Variants in KHDRBS2 observed in about 807,000 individuals in gnomAD.
KHDRBS2 encodes the protein KH domain-containing, RNA-binding, signal transduction-associated protein 2.
KHDRBS2 carries 26 observed loss-of-function variants against 44.3 expected under a neutral mutation model. The ratio of observed to expected loss-of-function variants is 0.59; its 90% CI spans 0.43 to 0.81. The LOEUF is 0.81. Ranked by LOEUF, KHDRBS2 falls within the 40% of genes least tolerant of loss-of-function variation. The pLI, the probability that KHDRBS2 is intolerant of heterozygous loss-of-function variation, is 0.00. For synonymous variants in KHDRBS2, 194 were observed against 151.1 expected, an observed-to-expected ratio of 1.28 and a Z score of -2.08; for missense variants, 476 against 433.1, an observed-to-expected ratio of 1.10 and a Z score of -0.88.
At chr6:61,675,904 G>A (rs540608196), downstream of KHDRBS2, among the ~76,000 whole-genome samples, 6 of 151,828 alleles carry the variant, frequency 4.0e-5, no homozygotes, top group East Asian at 1.2e-3. Flanking sequence ...CACGCATACA[G>A]ATAACTTTAA....
intron 2 of KHDRBS2, among the ~76,000 whole-genome samples, chr6:62,096,845 C>G (rs1221545553): frequency 6.6e-6 from 1 of 151,664 alleles, no homozygotes; most frequent in Non-Finnish European, 1.5e-5. Flanking sequence ...ATAGGCATTA[C>G]AACAAAAGTA....
intron 4 of KHDRBS2, among the ~76,000 whole-genome samples, chr6:61,955,723 C>G (rs1366378712): frequency 9.1e-6 from 1 of 109,830 alleles, no homozygotes; most frequent in Non-Finnish European, 2.0e-5. Flanking sequence ...TGTATGTATA[C>G]ATATATAGAC....
intron 3 of KHDRBS2, among the ~76,000 whole-genome samples, chr6:61,987,779 A>G (rs1775335278): frequency 6.6e-6 from 1 of 152,330 alleles, no homozygotes; most frequent in African/African-American, 2.4e-5. Context: ...ATGATAGAGA[A>G]GCAATAGCTA....
chr6:62,083,156 C>T (rs1797731644), intron 2 of KHDRBS2, among the ~76,000 whole-genome samples: 1 of 146,004 alleles, frequency 6.8e-6, no homozygotes, highest in South Asian at 2.2e-4. Flanking sequence ...GCCATAAAAA[C>T]CCCAGGCTTC....
At chr6:61,610,081 C>G in the KHDRBS2 span, among the ~76,000 whole-genome samples, 2 of 151,920 alleles carry the variant, frequency 1.3e-5, no homozygotes, top group Non-Finnish European at 2.9e-5. Context: ...GAGGCTGAGG[C>G]AGGAGAATGG....
chr6:61,560,729 G>A, the KHDRBS2 span, among the ~76,000 whole-genome samples: 7 of 152,102 alleles, frequency 4.6e-5, no homozygotes, highest in African/African-American at 7.2e-5. Context: ...ATGGTATCTC[G>A]AATTTCATTA....
chr6:61,650,089 C>T, the KHDRBS2 span, among the ~76,000 whole-genome samples: 1 of 152,138 alleles, frequency 6.6e-6, no homozygotes, highest in African/African-American at 2.4e-5. Context: ...ATAGCAGGGC[C>T]TCTGCACTGC....
At chr6:61,860,450 T>G (rs1233299476) in intron 6 of KHDRBS2, among the ~76,000 whole-genome samples, 1 of 152,060 alleles carries the variant, frequency 6.6e-6, no homozygotes, top group African/African-American at 2.4e-5. Context: ...TAGCTCCCAC[T>G]TATAAGTGAG....
At chr6:61,872,616 G>A (rs1296389999) in intron 6 of KHDRBS2, among the ~76,000 whole-genome samples, 1 of 152,036 alleles carries the variant, frequency 6.6e-6, no homozygotes, top group Non-Finnish European at 1.5e-5. Context: ...GAAGAGCTAA[G>A]TAAATAGAGA....
In KHDRBS2 at chr6:62,256,368, G is replaced by A. The variant is rs116253316; in HGVS notation, c.91+29490C>T. Among the ~76,000 whole-genome samples, 709 of 152,026 alleles carry A rather than the reference G, an allele frequency of 4.7e-3. 7 individuals carry two copies. Among genetic ancestry groups the A allele is most frequent in the African/African-American group, 0.016 (669 of 41,512 alleles). On this transcript the variant is annotated intron_variant, in intron 1 of 8. Coordinates refer to ENST00000281156, the MANE Select transcript of KHDRBS2 (RefSeq NM_152688.4). ...GAATTGTAGCTCTCACAATTCCCAC[G>A]TGTTGTTGTGGGAGGGACCCAGTAG...
At chr6:61,957,317 ACAG>A (rs1767598148) in intron 4 of KHDRBS2, among the ~76,000 whole-genome samples, 3 of 152,230 alleles carry the variant, frequency 2.0e-5, no homozygotes, top group Non-Finnish European at 4.4e-5. Flanking sequence ...GAACAGGATA[ACAG>A]CAATGTTCAG....
intron 6 of KHDRBS2, among the ~76,000 whole-genome samples, chr6:61,876,389 T>G (rs988481499): frequency 2.0e-5 from 3 of 152,026 alleles, no homozygotes; most frequent in Admixed American, 2.0e-4. Context: ...CTTACAATAC[T>G]AGATTATTAC....
intron 2 of KHDRBS2, among the ~76,000 whole-genome samples, chr6:62,136,326 A>G (rs1811517189): frequency 6.6e-6 from 1 of 152,212 alleles, no homozygotes; most frequent in Non-Finnish European, 1.5e-5. Flanking sequence ...CACTTTACAT[A>G]AGAAAAGTGG....
the KHDRBS2 span, among the ~76,000 whole-genome samples, chr6:61,640,510 C>G: frequency 6.6e-6 from 1 of 152,062 alleles, no homozygotes; most frequent in Admixed American, 6.6e-5. Flanking sequence ...TAATGTCCTA[C>G]TCTTTTGTAT....
chr6:61,773,702 A>T (rs916303400), intron 6 of KHDRBS2, among the ~76,000 whole-genome samples: 1 of 151,588 alleles, frequency 6.6e-6, no homozygotes, highest in African/African-American at 2.4e-5. Flanking sequence ...GGTGTTGTAG[A>T]CATGAAGTCC....
At chr6:61,889,665 C>A (rs1425354111) in intron 6 of KHDRBS2, among the ~76,000 whole-genome samples, 1 of 152,154 alleles carries the variant, frequency 6.6e-6, no homozygotes, top group Non-Finnish European at 1.5e-5. Context: ...CTACCTCCAC[C>A]CGCATGTTCT....
intron 6 of KHDRBS2, among the ~76,000 whole-genome samples, chr6:61,737,937 G>A (rs1775625015): frequency 6.6e-6 from 1 of 151,800 alleles, no homozygotes; most frequent in Non-Finnish European, 1.5e-5. Flanking sequence ...TGCTGATGAT[G>A]GTCTAAGATA....
the KHDRBS2 span, among the ~76,000 whole-genome samples, chr6:61,592,681 G>T: frequency 6.6e-6 from 1 of 150,862 alleles, no homozygotes; most frequent in Admixed American, 6.6e-5. Flanking sequence ...AAATATTTTT[G>T]TTTTTTTTTA....
chr6:61,881,910 T>C (rs935527426), intron 6 of KHDRBS2, among the ~76,000 whole-genome samples: 3 of 152,032 alleles, frequency 2.0e-5, no homozygotes, highest in African/African-American at 7.2e-5. Context: ...CAAAGGCATA[T>C]ATTGTAGCTA....
Sources: allele counts gnomAD v4.1 joint callset (sites outside exome capture counted in the v4.1 genomes callset), GRCh38; gene constraint gnomAD v4.1.1; transcripts MANE v1.5; gene names NCBI Gene and HGNC (gene_info 2026-07-23, HGNC 2026-07-21).